Variants in ABCA5 observed in about 807,000 individuals in gnomAD.
ABCA5 encodes cholesterol transporter ABCA5.
Under a neutral mutation model 206.0 loss-of-function variants are expected in ABCA5, and 163 were observed. The observed-to-expected ratio is 0.79, with a 90% CI of 0.70 to 0.90. The LOEUF (loss-of-function observed/expected upper bound fraction) is 0.90. ABCA5 is among the 40% of genes least tolerant of loss of function. The pLI is 0.00. For synonymous variants in ABCA5, 609 were observed against 613.8 expected, an observed-to-expected ratio of 0.99 and a Z score of 0.11; for missense variants, 1,859 against 1,912.9, an observed-to-expected ratio of 0.97 and a Z score of 0.53.
Position 69,247,548 on chromosome 17 carries a change from C to G in ABCA5, c.4918G>C (p.Val1640Leu), listed in dbSNP as rs371487836. 1.3e-6 allele frequency: 2 copies of G among 1,598,392 alleles called. No homozygotes were observed. Among genetic ancestry groups the G allele is most frequent in the Non-Finnish European group, 1.7e-6 (2 of 1,171,100 alleles). Residue 1640 changes from valine to leucine, a missense_variant, in exon 39 of 39, where the codon GTA (valine) becomes CTA (leucine). Coordinates refer to ENST00000392676, the MANE Select transcript of ABCA5 (RefSeq NM_172232.4). ...LWWERTQEDR[V>L]VF is the part of the protein sequence containing the mutation. The stretch of plus-strand genomic sequence containing the variant: ...CGAACAATACAAATTCAAAATACTA[C>G]TCTATCTTCTTGTGTTCGTTCCCAC...
rs138660507 is a variant in ABCA5, at chr17:69,245,527, G to A, written c.*2010C>T. On this transcript the variant is annotated 3_prime_UTR_variant, in exon 39 of 39. Transcript: ENST00000392676. ...TTACCCTTGTTTTCCTAAGAATTAA[G>A]TTATATTTCTCCTGAGTCAGATTTT... is the stretch of plus-strand genomic sequence containing the variant. 39 of 151,834 alleles carry A rather than the reference G, an allele frequency of 2.6e-4. 1 individual carries two copies. The East Asian group carries it at 7.1e-3, about 28-fold the overall frequency. 9.4% of individuals were successfully genotyped at this position (151,834 alleles called of 1,614,324 possible). A position where few individuals can be genotyped will look rare whatever the true frequency, so the allele number is the denominator to read the frequency against.
chr17:69,287,978 A>C (rs4553686), intron 14 of ABCA5, among the ~76,000 whole-genome samples: 15,503 of 152,190 alleles, frequency 0.1, 825 homozygotes, highest in Non-Finnish European at 0.11. Flanking sequence ...CCTGTAATAC[A>C]CAAGACAAAA....
chr17:69,285,849 C>A (rs772158688), intron 17 of ABCA5, 49 bp downstream of exon 17: 5 of 1,548,312 alleles, frequency 3.2e-6, no homozygotes, highest in Admixed American at 3.8e-5. Flanking sequence ...AACCTATTCC[C>A]AATATAGGAT....
In ABCA5 at chr17:69,259,215, T is replaced by C. The variant is rs141469912; in HGVS notation, c.3731+491A>G. ...AAAGTAAAAGCAACTCATTAAGATA[T>C]ATAAAAAGTGCTACACACGACTACA... On this transcript the variant is annotated intron_variant, in intron 28 of 38. Coordinates refer to ENST00000392676, the MANE Select transcript of ABCA5 (RefSeq NM_172232.4). 1.2e-3 allele frequency among the ~76,000 whole-genome samples: 189 copies of C among 152,138 alleles called. 1 individual carries two copies. Among genetic ancestry groups the C allele is most frequent in the African/African-American group, 4.1e-3 (169 of 41,564 alleles).
chr17:69,276,742 C>A (rs371319474), intron 19 of ABCA5, among the ~76,000 whole-genome samples: 13 of 152,256 alleles, frequency 8.5e-5, no homozygotes, highest in African/African-American at 2.6e-4. Context: ...ATGGCACATG[C>A]ATACCTATGT....
chr17:69,316,831 A>G (rs146181724), intron 1 of ABCA5: 155 of 152,368 alleles, frequency 1.0e-3, no homozygotes, highest in African/African-American at 3.5e-3. Context: ...CAGACTTCTC[A>G]TAAGAAACTG....
In ABCA5 at chr17:69,246,442, C is replaced by A. The variant is rs1481959191; in HGVS notation, c.*1095G>T. On this transcript the variant is annotated 3_prime_UTR_variant, in exon 39 of 39. Coordinates refer to ENST00000392676, the MANE Select transcript of ABCA5 (RefSeq NM_172232.4). Reference sequence around the variant, plus strand: ...ATTTCTAAGAAAATATTAGCCATGCCTTTAACTCTATCAAAAATGAAATTC... The same window carrying A: ...ATTTCTAAGAAAATATTAGCCATGCATTTAACTCTATCAAAAATGAAATTC... The A allele has an allele frequency of 6.6e-6, 1 of 151,884 alleles. No homozygotes were observed. The highest frequency in any genetic ancestry group is 2.4e-5 in the African/African-American group (1 of 41,392). The allele number at this position is 151,884 out of a possible 1,614,324, so 9.4% of individuals were successfully genotyped here. A position where few individuals can be genotyped will look rare whatever the true frequency, so the allele number is the denominator to read the frequency against.
chr17:69,291,809 T>C (rs1454399662), intron 11 of ABCA5, among the ~76,000 whole-genome samples: 1 of 152,022 alleles, frequency 6.6e-6, no homozygotes, highest in African/African-American at 2.4e-5. Flanking sequence ...GAAGCAGAAA[T>C]GGCTTATCAA....
chr17:69,320,010 A>T (rs1403685120), intron 1 of ABCA5, among the ~76,000 whole-genome samples: 1 of 152,220 alleles, frequency 6.6e-6, no homozygotes, highest in Non-Finnish European at 1.5e-5. Context: ...TATTATCTGT[A>T]AAATACAACA....
At chr17:69,303,200 C>G (rs2075670283) in intron 7 of ABCA5, among the ~76,000 whole-genome samples, 1 of 152,162 alleles carries the variant, frequency 6.6e-6, no homozygotes. Flanking sequence ...TCACTGCAAC[C>G]TCCACCTCCT....
chr17:69,322,390 G>GAAAAAA (rs2075872197), intron 1 of ABCA5, among the ~76,000 whole-genome samples: 2 of 139,026 alleles, frequency 1.4e-5, no homozygotes, highest in Admixed American at 7.8e-5. Flanking sequence ...AAAAAAAAGT[G>GAAAAAA]CTGGTTACTA....
At chr17:69,263,178 T>A (rs907691290) in intron 24 of ABCA5, among the ~76,000 whole-genome samples, 1 of 152,282 alleles carries the variant, frequency 6.6e-6, no homozygotes, top group Non-Finnish European at 1.5e-5. Flanking sequence ...CCATTCTGTA[T>A]GTTATCCATT....
In ABCA5 at chr17:69,314,366, A is replaced by AGT. The variant is rs1179250444; in HGVS notation, c.48_49dup (p.Leu17HisfsTer4). On this transcript the variant is annotated frameshift_variant, in exon 2 of 39. Coordinates refer to ENST00000392676, the MANE Select transcript of ABCA5 (RefSeq NM_172232.4). LOFTEE classifies it high-confidence loss of function. ...TTTAATTAAGTAATTCTTCAGTAGA[A>AGT]GTGTTCTGGTCTGTCTCCAAACTCC... 1 of 1,613,936 alleles carries AGT rather than the reference A, an allele frequency of 6.2e-7. No individual in the cohort carries two copies. The highest frequency in any genetic ancestry group is 2.2e-5 in the East Asian group (1 of 44,872).
At chr17:69,303,386 G>T (rs1664042505) in intron 7 of ABCA5, among the ~76,000 whole-genome samples, 1 of 151,820 alleles carries the variant, frequency 6.6e-6, no homozygotes, top group Non-Finnish European at 1.5e-5. Flanking sequence ...CAAAGTGCTG[G>T]GATTACGGGT....
chr17:69,274,362 GCA>G, intron 19 of ABCA5, among the ~76,000 whole-genome samples: 1 of 151,482 alleles, frequency 6.6e-6, no homozygotes, highest in East Asian at 2.0e-4. Context: ...GAGACTACAG[GCA>G]CACGCCACCA....
rs573479332 is a variant in ABCA5, at chr17:69,248,174, A to C, written c.4821+88T>G. 53 of 734,252 alleles carry C rather than the reference A, an allele frequency of 7.2e-5. No individual in the cohort carries two copies. In the East Asian group the frequency reaches 1.4e-3, roughly 19 times the overall value. The allele number at this position is 734,252 out of a possible 1,614,324, so 45.5% of individuals were successfully genotyped here. On this transcript the variant is annotated intron_variant, in intron 38 of 38. Transcript: ENST00000392676. ...TACCAATTTGTCACTGGTTTACGAT[A>C]TCTCTCCCTCTCTAATATAAACCAA...
chr17:69,253,908 T>C (rs369847898), intron 32 of ABCA5, 39 bp from the exon 33 acceptor site: 120 of 1,506,586 alleles, frequency 8.0e-5, no homozygotes, highest in East Asian at 2.7e-4. Context: ...TACCATGATA[T>C]ATATAAACAC....
chr17:69,285,604 T>A (rs946166991), intron 17 of ABCA5, among the ~76,000 whole-genome samples: 25 of 152,240 alleles, frequency 1.6e-4, no homozygotes, highest in Admixed American at 3.3e-4. Context: ...CTACAAGCAA[T>A]TTCTTTTTTT....
rs777280328 is a variant in ABCA5 at position 69,309,259 on chromosome 17, T to TA, written c.469+2dup. Reference sequence around the variant, plus strand: ...TCTTCAATGATTATGTAGGGCTATTTACCTCTTGAATCCATATAAATAGAA... The same window carrying TA: ...TCTTCAATGATTATGTAGGGCTATTTAACCTCTTGAATCCATATAAATAGAA... On this transcript the variant is annotated splice_region_variant and intron_variant, in intron 4 of 38. Coordinates refer to ENST00000392676, the MANE Select transcript of ABCA5 (RefSeq NM_172232.4). 3 of 1,555,486 alleles carry TA rather than the reference T, an allele frequency of 1.9e-6. No homozygotes were observed. The highest frequency in any genetic ancestry group is 2.6e-6 in the Non-Finnish European group (3 of 1,158,538).
Sources: gnomAD v4.1 joint callset for allele counts (sites outside exome capture counted in the v4.1 genomes callset) on GRCh38, gnomAD v4.1.1 for gene constraint, MANE v1.5 for transcripts, NCBI Gene and HGNC (gene_info 2026-07-23, HGNC 2026-07-21) for gene names.